SCARF2: variants seen among roughly 807,000 people sequenced by gnomAD.
SCARF2 encodes the protein scavenger receptor class F member 2.
In SCARF2, 39 loss-of-function variants were observed where a neutral mutation model predicts 73.4. The observed-to-expected ratio is 0.53, with a 90% CI of 0.41 to 0.69. The LOEUF is 0.69. Among genes scored for constraint, SCARF2 ranks in the 30% least tolerant of loss-of-function variants. SCARF2 has a pLI of 0.00. For synonymous variants in SCARF2, 605 were observed against 590.0 expected (o/e 1.03, Z -0.37); for missense variants, 1,148 against 1,303.5 (o/e 0.88, Z 1.84).
Position 20,425,197 on chromosome 22 carries a change from G to A in SCARF2, c.*178C>T, listed in dbSNP as rs997580607. The A allele has an allele frequency of 7.5e-5, 36 of 478,830 alleles. No homozygotes were observed. Among genetic ancestry groups the A allele is most frequent in the Non-Finnish European group, 1.0e-4 (30 of 297,538 alleles). 29.7% of individuals were successfully genotyped at this position (478,830 alleles called of 1,614,324 possible). Reference sequence around the variant, plus strand: ...CCAACGGGATGGGCCCTTCCCGCCAGAGCACACTGCTCCAATCCAGGAGCG... The same window carrying A: ...CCAACGGGATGGGCCCTTCCCGCCAAAGCACACTGCTCCAATCCAGGAGCG... On this transcript the variant is annotated 3_prime_UTR_variant, in exon 11 of 11. Transcript: ENST00000622235. The surrounding 1 kb of genome is among the most constrained non-coding windows in gnomAD (Gnocchi z 4.6).
intron 2 of SCARF2, 42 bp from the exon 3 acceptor site, chr22:20,431,888 C>CT: frequency 6.3e-7 from 1 of 1,583,388 alleles, no homozygotes; most frequent in South Asian, 1.1e-5. Context: ...GTCCTAGCCC[C>CT]GCCCCCTCCC....
chr22:20,433,033 C>T (rs1379917381), intron 1 of SCARF2, among the ~76,000 whole-genome samples: 4 of 152,294 alleles, frequency 2.6e-5, no homozygotes, highest in Middle Eastern at 3.4e-3. Context: ...TGCTGATTGT[C>T]TTCCACTTGT....
Position 20,437,701 on chromosome 22 carries a change from C to G in SCARF2, c.54G>C (p.Gly18=). 1 of 1,448,722 alleles carries G rather than the reference C, an allele frequency of 6.9e-7. No individual in the cohort carries two copies. Among genetic ancestry groups the G allele is most frequent in the Admixed American group, 2.5e-5 (1 of 40,268 alleles). 89.7% of individuals were successfully genotyped at this position (1,448,722 alleles called of 1,614,324 possible). ...GAGPARRRGA[G]GPPSPLLPSL... is the part of the protein sequence containing the mutation. ...ACGGCAGCAGCGGTGACGGCGGCCC[C>G]CCGGCTCCCCGGCGCCGCGCCGGCC... Residue 18 remains glycine (G), a synonymous_variant, in exon 1 of 11, where the codon GGG becomes GGC. Transcript: ENST00000622235.
chr22:20,431,494 A>G lies in SCARF2; in HGVS notation c.378T>C (p.Cys126=). 2.5e-6 allele frequency: 4 copies of G among 1,576,704 alleles called. No homozygotes were observed. Among genetic ancestry groups the G allele is most frequent in the Non-Finnish European group, 3.4e-6 (4 of 1,169,900 alleles). Reference sequence around the variant, plus strand: ...CGCACTGCCCGTGTGGGTGGCAGCTACACAGCTCCTTGCAGTCGGGGCCCC... The same window carrying G: ...CGCACTGCCCGTGTGGGTGGCAGCTGCACAGCTCCTTGCAGTCGGGGCCCC... ...QFWGPDCKEL[C]SCHPHGQCED... Residue 126 remains cysteine (C), a synonymous_variant, in exon 4 of 11, where the codon TGT becomes TGC. Coordinates refer to ENST00000622235, the MANE Select transcript of SCARF2 (RefSeq NM_182895.5).
Position 20,425,369 on chromosome 22 carries a change from A to T in SCARF2, c.*6T>A. The T allele has an allele frequency of 7.1e-7, 1 of 1,410,594 alleles. No individual in the cohort carries two copies. 87.4% of individuals were successfully genotyped at this position (1,410,594 alleles called of 1,614,324 possible). On this transcript the variant is annotated 3_prime_UTR_variant, in exon 11 of 11. Coordinates refer to ENST00000622235, the MANE Select transcript of SCARF2 (RefSeq NM_182895.5). The surrounding 1 kb of genome is among the most constrained non-coding windows in gnomAD (Gnocchi z 4.6). ...AGGGAGCTGCGCGCGGACGAGCCAC[A>T]GCCTGCTACAGGGTGGGTGCGCCCG...
Position 20,429,231 on chromosome 22 carries a change from CT to C in SCARF2, c.1533del (p.Val512SerfsTer2). 1 of 1,613,996 alleles carries C rather than the reference CT, an allele frequency of 6.2e-7. No individual in the cohort carries two copies. The highest frequency in any genetic ancestry group is 8.5e-7 in the Non-Finnish European group (1 of 1,180,032). ...CCCGCGCTGTCATCCTTACCTACGA[CT>C]TTGGGTAGTTTCTGCCTCCGGAGCG... ...RIPLRRQKLP[K>X]VVVAHHDLDN... On this transcript the variant is annotated frameshift_variant, in exon 9 of 11. Transcript: ENST00000622235. LOFTEE classifies it high-confidence loss of function. The surrounding 1 kb of genome is among the most constrained non-coding windows in gnomAD (Gnocchi z 5.2).
At chr22:20,427,216 G>A (rs1314025838) in intron 10 of SCARF2, among the ~76,000 whole-genome samples, 182 bp downstream of exon 10, 3 of 142,798 alleles carry the variant, frequency 2.1e-5, no homozygotes, top group South Asian at 2.4e-4. Context: ...ACCTGTCTCC[G>A]GTACTGAGCA....
chr22:20,426,417 T>A, intron 10 of SCARF2, 135 bp from the exon 11 acceptor site: 1 of 943,844 alleles, frequency 1.1e-6, no homozygotes, highest in Non-Finnish European at 1.5e-6. Context: ...TAGACGTGCC[T>A]GGCACAGAGC....
In SCARF2 at chr22:20,425,423, G is replaced by A; in HGVS notation, c.2553C>T (p.Ser851=). 7.0e-7 allele frequency: 1 copy of A among 1,432,316 alleles called. No homozygotes were observed. 88.7% of individuals were successfully genotyped at this position (1,432,316 alleles called of 1,614,324 possible). ...TGCCCAGCTCGCCCGCCGCCTCCCG[G>A]CTCTTCTTGCGCGGCGGCTTCTGGA... is the stretch of plus-strand genomic sequence containing the variant. ...TPIQKPPRKK[S]REAAGELGRA... is the part of the protein sequence containing the mutation. The change falls in exon 11 of 11, where the codon AGC becomes AGT. Residue 851 remains serine (S), a synonymous_variant. Coordinates refer to ENST00000622235, the MANE Select transcript of SCARF2 (RefSeq NM_182895.5). The surrounding 1 kb of genome is among the most constrained non-coding windows in gnomAD (Gnocchi z 4.6).
In SCARF2 at chr22:20,430,443, G is replaced by T. The variant is rs780438908; in HGVS notation, c.1188C>A (p.Gly396=). The change falls in exon 6 of 11, where the codon GGC becomes GGA. Residue 396 remains glycine (G), a synonymous_variant. Coordinates refer to ENST00000622235, the MANE Select transcript of SCARF2 (RefSeq NM_182895.5). Reference sequence around the variant, plus strand: ...GGGGCACTCACTGGGGCCCGTGGACGCCAGGGCTGCACAGGCAGCGCCCCG... The same window carrying T: ...GGGGCACTCACTGGGGCCCGTGGACTCCAGGGCTGCACAGGCAGCGCCCCG... ...FQSGRCLCSP[G]VHGPHCNVTC... 59 of 1,591,232 alleles carry T rather than the reference G, an allele frequency of 3.7e-5. 1 individual carries two copies. The South Asian group carries it at 6.7e-4, about 18-fold the overall frequency.
rs1363942544 is a variant in SCARF2, at chr22:20,431,950, T to A, written c.212A>T (p.Gln71Leu). 6.3e-7 allele frequency: 1 copy of A among 1,577,166 alleles called. No individual in the cohort carries two copies. The highest frequency in any genetic ancestry group is 1.1e-5 in the South Asian group (1 of 89,794). ...VPTCCAGWRQ[Q>L]GDECGIAVCE... ...CTCACCAATCCCACACTCGTCCCCT[T>A]GCTGCCTCCAGCCAGCGCAGCACGT... The change falls in exon 2 of 11, where the codon CAA (glutamine) becomes CTA (leucine). Residue 71 changes from glutamine to leucine, a missense_variant. Coordinates refer to ENST00000622235, the MANE Select transcript of SCARF2 (RefSeq NM_182895.5).
chr22:20,429,684 C>T lies in SCARF2; in HGVS notation c.1307-31G>A, dbSNP rs1233377257. 1 of 1,613,916 alleles carries T rather than the reference C, an allele frequency of 6.2e-7. No homozygotes were observed. Among genetic ancestry groups the T allele is most frequent in the Non-Finnish European group, 8.5e-7 (1 of 1,179,958 alleles). ...GGGGGTTATGGGGTCAGCGCGGTTT[C>T]TGGCACCCCCTGCATTCCTTAACGG... On this transcript the variant is annotated intron_variant, in intron 7 of 10. Transcript: ENST00000622235. The surrounding 1 kb of genome is among the most constrained non-coding windows in gnomAD (Gnocchi z 5.2).
chr22:20,425,473 C>G lies in SCARF2; in HGVS notation c.2503G>C (p.Glu835Gln). 7.2e-7 allele frequency: 1 copy of G among 1,392,144 alleles called. No homozygotes were observed. Among genetic ancestry groups the G allele is most frequent in the Non-Finnish European group, 9.3e-7 (1 of 1,072,948 alleles). The allele number at this position is 1,392,144 out of a possible 1,614,324, so 86.2% of individuals were successfully genotyped here. ...EKAATDLPAP[E>Q]TPRKKTPIQK... ...ATGGGGGTCTTCTTCCGGGGGGTCT[C>G]AGGCGCGGGCAAGTCGGTCGCCGCC... Residue 835 changes from glutamate (E) to glutamine (Q), a missense_variant, in exon 11 of 11, where the codon GAG becomes CAG. Transcript: ENST00000622235. This position sits in a 1 kb window ranked among gnomAD's most constrained non-coding sequence, Gnocchi z 4.6.
chr22:20,432,048 G>T, intron 1 of SCARF2, 60 bp from the exon 2 acceptor site: 1 of 1,537,590 alleles, frequency 6.5e-7, no homozygotes. Flanking sequence ...CATCTGCTCC[G>T]GGCTCCTCCG....
rs566886272 is a variant in SCARF2 at position 20,431,901 on chromosome 22, G to A, written c.232+29C>T. The A allele has an allele frequency of 2.9e-5, 17 of 591,574 alleles. No individual in the cohort carries two copies. The South Asian group carries it at 4.3e-4, about 15-fold the overall frequency. The allele number at this position is 591,574 out of a possible 1,614,324, so 36.6% of individuals were successfully genotyped here. On this transcript the variant is annotated intron_variant, in intron 2 of 10. Coordinates refer to ENST00000622235, the MANE Select transcript of SCARF2 (RefSeq NM_182895.5). ...GCGTCCTAGCCCCGCCCCCTCCCCC[G>A]CCCCAGGTCCCCGGGATGACCCACT...
chr22:20,427,403 T>C lies in SCARF2; in HGVS notation c.1688A>G (p.His563Arg), dbSNP rs1291516406. ...CCAGGTAGGGCCTTACTTACCCTCATGGGGTACACAGTACACAGGGCCTTC... is the reference window on the plus strand; with the variant it reads ...CCAGGTAGGGCCTTACTTACCCTCACGGGGTACACAGTACACAGGGCCTTC... ...TDEGPVYCVP[H>R]EEAPAESRDP... Residue 563 changes from histidine to arginine, a missense_variant, in exon 10 of 11, where the codon CAT becomes CGT. Transcript: ENST00000622235. The C allele has an allele frequency of 1.2e-6, 2 of 1,614,114 alleles. No homozygotes were observed. Among genetic ancestry groups the C allele is most frequent in the Non-Finnish European group, 1.7e-6 (2 of 1,179,986 alleles).
chr22:20,426,016 G>A lies in SCARF2; in HGVS notation c.1960C>T (p.Pro654Ser). The A allele has an allele frequency of 1.3e-6, 2 of 1,581,870 alleles. No homozygotes were observed. The highest frequency in any genetic ancestry group is 8.5e-7 in the Non-Finnish European group (1 of 1,171,502). Residue 654 changes from proline to serine, a missense_variant, in exon 11 of 11, where the codon CCG becomes TCG. Pro to Ser is a moderately conservative substitution (Grantham distance 74). Coordinates refer to ENST00000622235, the MANE Select transcript of SCARF2 (RefSeq NM_182895.5). ...TTGGTGGCGGGGTCAGGTGGCGGCG[G>A]TTTCCTGCGCTCGGGCGATGGCGAC... ...SLSPSPERRK[P>S]PPPDPATKPK...
Position 20,430,575 on chromosome 22 carries a change from A to T in SCARF2, c.1074-18T>A. ...TCTCGCACCTTGGAAAGAGGGGAGG[A>T]GGCGTCAGCAGAAATGGAGGCAAAC... On this transcript the variant is annotated intron_variant, in intron 5 of 10. Transcript: ENST00000622235. The T allele has an allele frequency of 6.2e-7, 1 of 1,611,886 alleles. No homozygotes were observed. The highest frequency in any genetic ancestry group is 8.5e-7 in the Non-Finnish European group (1 of 1,179,350).
At chr22:20,430,614 C>T in intron 5 of SCARF2, 57 bp from the exon 6 acceptor site, 2 of 1,609,358 alleles carry the variant, frequency 1.2e-6, no homozygotes, top group Admixed American at 1.7e-5. Context: ...CCACAGCGCC[C>T]TCGACATTGG....
Sources: allele counts gnomAD v4.1 joint callset (sites outside exome capture counted in the v4.1 genomes callset), GRCh38; gene constraint gnomAD v4.1.1; non-coding constraint Gnocchi (gnomAD v3.1); transcripts MANE v1.5; gene names NCBI Gene and HGNC (gene_info 2026-07-23, HGNC 2026-07-21).